The following ARHGEF17 variants were observed in gnomAD, a reference collection of about 807,000 sequenced individuals.
ARHGEF17 encodes Rho guanine nucleotide exchange factor 17.
Under a neutral mutation model 174.0 loss-of-function variants are expected in ARHGEF17, and 80 were observed. The ratio of observed to expected loss-of-function variants is 0.46; its 90% CI spans 0.38 to 0.55. ARHGEF17 has a LOEUF of 0.55. Among genes scored for constraint, ARHGEF17 ranks in the 20% least tolerant of loss-of-function variants. The pLI, the probability that ARHGEF17 is intolerant of heterozygous loss-of-function variation, is 0.00. For synonymous variants in ARHGEF17, 1,311 were observed against 1,189.1 expected (o/e 1.10, Z -2.11); for missense variants, 2,886 against 2,839.7 (o/e 1.02, Z -0.37).
At chr11:73,354,516 C>T (rs1865604322) in intron 3 of ARHGEF17, among the ~76,000 whole-genome samples, 1 of 152,120 alleles carries the variant, frequency 6.6e-6, no homozygotes, top group Non-Finnish European at 1.5e-5. Context: ...GAGTTTGAGA[C>T]CAGCCTGACC....
In ARHGEF17 at chr11:73,310,232, C is replaced by G. The variant is rs1280775796; in HGVS notation, c.1594C>G (p.Pro532Ala). 21 of 1,613,914 alleles carry G rather than the reference C, an allele frequency of 1.3e-5. No individual in the cohort carries two copies. The highest frequency in any genetic ancestry group is 1.7e-5 in the Non-Finnish European group (20 of 1,180,040). Residue 532 changes from proline to alanine, a missense_variant, in exon 1 of 21, where the codon CCC (proline) becomes GCC (alanine). By Grantham distance (27) the Pro-to-Ala change is conservative (BLOSUM62 -1). Around this residue, in one of 4 missense-constraint regions of ARHGEF17, gnomAD observed 1,728 missense variants for 1,461.2 expected, o/e 1.18. Coordinates refer to ENST00000263674, the MANE Select transcript of ARHGEF17 (RefSeq NM_014786.4). ...IPAPASPGTR[P>A]TLKDLTATLR... ...AGCCCCAGCATCACCTGGCACGCGC[C>G]CCACACTCAAGGACTTGACAGCCAC...
At chr11:73,347,063 G>C in intron 2 of ARHGEF17, 103 bp downstream of exon 2, 1 of 1,138,948 alleles carries the variant, frequency 8.8e-7, no homozygotes, top group Non-Finnish European at 1.3e-6. Flanking sequence ...ACTGAGGCCA[G>C]AGAGCCGTGT....
intron 9 of ARHGEF17, 94 bp downstream of exon 9, chr11:73,357,421 A>AGCT: frequency 8.1e-7 from 1 of 1,229,216 alleles, no homozygotes. Flanking sequence ...CTGCCTGTCC[A>AGCT]GCTGCTTTTC....
rs200619934 is a variant in ARHGEF17, at chr11:73,356,690, T to C, written c.3841-19T>C. The stretch of plus-strand genomic sequence containing the variant: ...TTAATAACTGGCCTTCGAGATGCCT[T>C]GTCCCTCCTGTCCCACAGCTCCAGG... On this transcript the variant is annotated intron_variant, in intron 6 of 20. Coordinates refer to ENST00000263674, the MANE Select transcript of ARHGEF17 (RefSeq NM_014786.4). 464 of 1,614,010 alleles carry C rather than the reference T, an allele frequency of 2.9e-4. 7 individuals carry two copies. The African/African-American group carries it at 5.2e-3, about 18-fold the overall frequency.
In ARHGEF17 at chr11:73,365,619, AG is replaced by A. The variant is rs1347808275; in HGVS notation, c.5725+56del. ...CCTTGGAGCCTTTCTGCCCGATCGT[AG>A]AGGCGGCTGAGCCAGGGCCAGAATT... On this transcript the variant is annotated intron_variant, in intron 19 of 20. Transcript: ENST00000263674. This position sits in a 1 kb window ranked among gnomAD's most constrained non-coding sequence, Gnocchi z 4.9. The A allele has an allele frequency of 1.9e-6, 3 of 1,608,306 alleles. No individual in the cohort carries two copies. The highest frequency in any genetic ancestry group is 2.6e-6 in the Non-Finnish European group (3 of 1,175,306).
intron 1 of ARHGEF17, among the ~76,000 whole-genome samples, chr11:73,329,386 TTTTG>T (rs1865165788): frequency 8.8e-6 from 1 of 113,956 alleles, no homozygotes; most frequent in Non-Finnish European, 1.7e-5. Flanking sequence ...TTTTTTTTTT[TTTTG>T]TATTTTGGGT....
Position 73,351,095 on chromosome 11 carries a change from G to A in ARHGEF17, c.3271-1735G>A, listed in dbSNP as rs1481019748. On this transcript the variant is annotated intron_variant, in intron 2 of 20. Coordinates refer to ENST00000263674, the MANE Select transcript of ARHGEF17 (RefSeq NM_014786.4). Reference sequence around the variant, plus strand: ...GGTTTAGCTGCTGCTCCTGCTCCTTGTGGAGCAGCGGGCCCTGACCCAGCC... The same window carrying A: ...GGTTTAGCTGCTGCTCCTGCTCCTTATGGAGCAGCGGGCCCTGACCCAGCC... 2.0e-5 allele frequency among the ~76,000 whole-genome samples: 3 copies of A among 152,210 alleles called. No individual in the cohort carries two copies. The East Asian group carries it at 5.8e-4, about 29-fold the overall frequency.
intron 1 of ARHGEF17, among the ~76,000 whole-genome samples, chr11:73,338,425 G>C (rs1329033836): frequency 2.6e-5 from 4 of 152,206 alleles, no homozygotes; most frequent in Non-Finnish European, 5.9e-5. Flanking sequence ...GGCAGCGGCT[G>C]TCAGGGAAAT....
At chr11:73,346,059 C>T (rs1865455529) in intron 1 of ARHGEF17, among the ~76,000 whole-genome samples, 1 of 151,980 alleles carries the variant, frequency 6.6e-6, no homozygotes, top group Non-Finnish European at 1.5e-5. Flanking sequence ...GGATGAGCAC[C>T]CTGTGCCTGG....
intron 6 of ARHGEF17, 88 bp downstream of exon 6, chr11:73,356,439 A>C: frequency 7.2e-7 from 1 of 1,389,706 alleles, no homozygotes. Flanking sequence ...GGCCACCTGG[A>C]ATCGTGGCTG....
chr11:73,361,863 AAAAG>A (rs1416679929), intron 12 of ARHGEF17, among the ~76,000 whole-genome samples, 173 bp from the exon 13 acceptor site: 1 of 152,030 alleles, frequency 6.6e-6, no homozygotes, highest in Non-Finnish European at 1.5e-5. Context: ...AAAAAAAAAA[AAAAG>A]GGTCCTGTGC....
chr11:73,331,707 C>T (rs539662538), intron 1 of ARHGEF17, among the ~76,000 whole-genome samples: 1 of 152,204 alleles, frequency 6.6e-6, no homozygotes, highest in Admixed American at 6.5e-5. Flanking sequence ...CAAAGTGCTG[C>T]CAACAAATGC....
rs1050716880 is a variant in ARHGEF17, at chr11:73,308,843, C to A, written c.205C>A (p.Pro69Thr). The change falls in exon 1 of 21, where the codon CCC (proline) becomes ACC (threonine). Residue 69 changes from proline (P) to threonine (T), a missense_variant. Transcript: ENST00000263674. The stretch of plus-strand genomic sequence containing the variant: ...GCTGGCGTCTGGGCCCCTGGCCGCC[C>A]CCGCGCAGCCGCGCCCGCTCCGCAG... The part of the protein sequence containing the change: ...SKLASGPLAA[P>T]AQPRPLRSLS... 5 of 1,339,900 alleles carry A rather than the reference C, an allele frequency of 3.7e-6. No homozygotes were observed. The highest frequency in any genetic ancestry group is 4.8e-6 in the Non-Finnish European group (5 of 1,052,474). 83.0% of individuals were successfully genotyped at this position (1,339,900 alleles called of 1,614,324 possible). A position where few individuals can be genotyped will look rare whatever the true frequency, so the allele number is the denominator to read the frequency against.
chr11:73,366,147 C>G (rs1865835181), intron 20 of ARHGEF17, among the ~76,000 whole-genome samples, 200 bp downstream of exon 20: 1 of 150,194 alleles, frequency 6.7e-6, no homozygotes, highest in African/African-American at 2.4e-5. Context: ...GTGTGCGCAC[C>G]TGCATGTGTT....
At chr11:73,334,434 G>T (rs1865255621) in intron 1 of ARHGEF17, among the ~76,000 whole-genome samples, 1 of 152,182 alleles carries the variant, frequency 6.6e-6, no homozygotes, top group Non-Finnish European at 1.5e-5. Context: ...CTGGCTAGAG[G>T]AGAGGCTGGG....
chr11:73,316,969 C>T (rs1337413935), intron 1 of ARHGEF17, among the ~76,000 whole-genome samples: 1 of 152,126 alleles, frequency 6.6e-6, no homozygotes, highest in African/African-American at 2.4e-5. Flanking sequence ...TGCTGCAGCC[C>T]CAGGGGCTCC....
Position 73,311,574 on chromosome 11 carries a change from GTCCCCC to G in ARHGEF17, c.2938_2943del (p.Pro980_Pro981del). 1.2e-6 allele frequency: 2 copies of G among 1,613,578 alleles called. No individual in the cohort carries two copies. The highest frequency in any genetic ancestry group is 2.2e-5 in the South Asian group (2 of 91,082). On this transcript the variant is annotated inframe_deletion, in exon 1 of 21. Coordinates refer to ENST00000263674, the MANE Select transcript of ARHGEF17 (RefSeq NM_014786.4). ...GTGCCTGAGCCACCAACTTCTGTTG[GTCCCCC>G]TGTGGCTGTGCCAGAACCCATAGGC...
At chr11:73,329,352 TATATATATA>T (rs1865158127) in intron 1 of ARHGEF17, among the ~76,000 whole-genome samples, 1 of 44,674 alleles carries the variant, frequency 2.2e-5, no homozygotes, top group African/African-American at 1.9e-4. Flanking sequence ...TATATATATA[TATATATATA>T]TATATATATA....
chr11:73,317,941 G>T (rs1864954996), intron 1 of ARHGEF17, among the ~76,000 whole-genome samples: 1 of 152,204 alleles, frequency 6.6e-6, no homozygotes. Context: ...GTCTGTACTA[G>T]GAGTCAGGAG....
Sources: allele counts gnomAD v4.1 joint callset (sites outside exome capture counted in the v4.1 genomes callset), GRCh38; gene constraint gnomAD v4.1.1; regional missense constraint gnomAD v4.1.1; non-coding constraint Gnocchi (gnomAD v3.1); transcripts MANE v1.5; gene names NCBI Gene and HGNC (gene_info 2026-07-23, HGNC 2026-07-21).